DLG2: variants seen among roughly 807,000 people sequenced by gnomAD.
DLG2 encodes disks large homolog 2.
DLG2 carries 45 observed loss-of-function variants against 132.5 expected under a neutral mutation model. That is an observed-to-expected ratio of 0.34 (90% CI 0.27 to 0.44). The LOEUF is 0.44. Among genes scored for constraint, DLG2 ranks in the 20% least tolerant of loss-of-function variants. The pLI, the probability that DLG2 is intolerant of heterozygous loss-of-function variation, is 1.00. For synonymous variants in DLG2, 424 were observed against 419.6 expected (o/e 1.01, Z -0.13); for missense variants, 1,045 against 1,196.9 (o/e 0.87, Z 1.87).
intron 8 of DLG2, among the ~76,000 whole-genome samples, chr11:84,172,234 G>T (rs1180895956): frequency 6.6e-6 from 1 of 152,076 alleles, no homozygotes; most frequent in South Asian, 2.1e-4. Context: ...TAATAAGACT[G>T]GTTTAAAATA....
intron 19 of DLG2, among the ~76,000 whole-genome samples, chr11:83,587,184 A>C (rs2097099993): frequency 6.6e-6 from 1 of 152,096 alleles, no homozygotes; most frequent in Non-Finnish European, 1.5e-5. Context: ...TCTGCTGCTT[A>C]TAGTTTTTTT....
intron 8 of DLG2, among the ~76,000 whole-genome samples, chr11:84,213,249 T>C (rs1275564071): frequency 6.6e-6 from 1 of 152,150 alleles, no homozygotes; most frequent in Non-Finnish European, 1.5e-5. Context: ...TTTGTAGTCA[T>C]CTCATTATAT....
At chr11:84,353,079 A>G (rs534684733) in intron 7 of DLG2, among the ~76,000 whole-genome samples, 3 of 152,140 alleles carry the variant, frequency 2.0e-5, no homozygotes, top group Non-Finnish European at 4.4e-5. Context: ...CTCTCCAGAT[A>G]TCATTGTGTC....
intron 6 of DLG2, among the ~76,000 whole-genome samples, chr11:84,636,196 A>ATG (rs1491144128): frequency 1.3e-5 from 2 of 152,172 alleles, no homozygotes; most frequent in East Asian, 3.9e-4. Context: ...GTATATGCAC[A>ATG]TGTGTGTGTG....
intron 8 of DLG2, among the ~76,000 whole-genome samples, chr11:84,207,785 A>G (rs1025528139): frequency 6.6e-6 from 1 of 152,210 alleles, no homozygotes; most frequent in African/African-American, 2.4e-5. Context: ...TATAAACAAC[A>G]TGATAAAAAT....
At chr11:85,421,919 A>C (rs2090345305) in intron 3 of DLG2, among the ~76,000 whole-genome samples, 1 of 152,104 alleles carries the variant, frequency 6.6e-6, no homozygotes, top group Non-Finnish European at 1.5e-5. Context: ...TTTCCGAAAA[A>C]GGCTGCATCT....
intron 3 of DLG2, among the ~76,000 whole-genome samples, chr11:85,421,369 A>T (rs1297400872): frequency 6.6e-6 from 1 of 151,534 alleles, no homozygotes; most frequent in Non-Finnish European, 1.5e-5. Context: ...TGGGAGCTAC[A>T]GACCGGAGCT....
intron 18 of DLG2, among the ~76,000 whole-genome samples, chr11:83,707,762 G>GGGAACC (rs2084392703): frequency 6.6e-6 from 1 of 152,184 alleles, no homozygotes; most frequent in South Asian, 2.1e-4. Context: ...CCCTCTCAGT[G>GGGAACC]CACTCACGGT....
chr11:84,423,213 T>C lies in DLG2; in HGVS notation c.519+111357A>G, dbSNP rs532273895. Among the ~76,000 whole-genome samples the C allele has an allele frequency of 6.0e-3, 907 of 152,286 alleles. 1 individual carries two copies. Among genetic ancestry groups the C allele is most frequent in the Non-Finnish European group, 9.6e-3 (651 of 67,984 alleles). ...TGTACAACATTGCAAATGTATTTAATGCCCATAATTCTTCACTTAAACATG... is the reference window on the plus strand; with the variant it reads ...TGTACAACATTGCAAATGTATTTAACGCCCATAATTCTTCACTTAAACATG... On this transcript the variant is annotated intron_variant, in intron 7 of 27. Transcript: ENST00000376104.
intron 18 of DLG2, among the ~76,000 whole-genome samples, chr11:83,654,018 C>A (rs558242190): frequency 8.5e-5 from 13 of 152,068 alleles, no homozygotes; most frequent in Non-Finnish European, 1.5e-4. Context: ...CCGCGCCTGG[C>A]CAAGAATTTT....
intron 7 of DLG2, among the ~76,000 whole-genome samples, chr11:84,351,771 G>T (rs1373771286): frequency 6.6e-6 from 1 of 152,158 alleles, no homozygotes; most frequent in Non-Finnish European, 1.5e-5. Context: ...AGACTTAAAA[G>T]GACCTTGCTT....
At chr11:84,885,703 A>T (rs989373400) in intron 6 of DLG2, among the ~76,000 whole-genome samples, 1 of 152,124 alleles carries the variant, frequency 6.6e-6, no homozygotes, top group Non-Finnish European at 1.5e-5. Context: ...CCTGGTGCAT[A>T]GTAGGTATTC....
intron 4 of DLG2, among the ~76,000 whole-genome samples, chr11:85,157,911 C>T (rs760544170): frequency 3.3e-5 from 5 of 152,050 alleles, no homozygotes; most frequent in Admixed American, 6.6e-5. Context: ...ATCCCCTCCC[C>T]GACCCATTAG....
intron 6 of DLG2, among the ~76,000 whole-genome samples, chr11:84,801,903 C>T (rs1346673635): frequency 1.3e-5 from 2 of 152,184 alleles, no homozygotes; most frequent in Non-Finnish European, 2.9e-5. Flanking sequence ...AAGAATTTCC[C>T]ACGTTCTTTG....
chr11:83,523,842 C>T (rs944894793), intron 21 of DLG2, among the ~76,000 whole-genome samples: 1 of 152,056 alleles, frequency 6.6e-6, no homozygotes, highest in Admixed American at 6.6e-5. Flanking sequence ...GGGCAGGGGG[C>T]GGGGTTTAGA....
chr11:85,133,129 G>C (rs1210380420), intron 5 of DLG2: 2 of 259,392 alleles, frequency 7.7e-6, no homozygotes, highest in Non-Finnish European at 1.6e-5. Flanking sequence ...CTATCGTTGC[G>C]ATGAGTGTAA....
At chr11:83,594,634 T>G (rs1388598657) in intron 19 of DLG2, among the ~76,000 whole-genome samples, 1 of 152,168 alleles carries the variant, frequency 6.6e-6, no homozygotes, top group Non-Finnish European at 1.5e-5. Context: ...AGAGAAGCCA[T>G]GTATAAAGGA....
At chr11:84,482,466 G>C (rs567299957) in intron 7 of DLG2, among the ~76,000 whole-genome samples, 1 of 152,298 alleles carries the variant, frequency 6.6e-6, no homozygotes, top group African/African-American at 2.4e-5. Context: ...TGAAAACATT[G>C]ATTATGTCAG....
At chr11:84,631,016 TCTCACACACACACA>T (rs1457729595) in intron 6 of DLG2, among the ~76,000 whole-genome samples, 24 of 122,554 alleles carry the variant, frequency 2.0e-4, no homozygotes, top group South Asian at 1.3e-3. Context: ...TCTCTCTCTC[TCTCACACACACACA>T]CACACACACA....
Sources: allele counts gnomAD v4.1 joint callset (sites outside exome capture counted in the v4.1 genomes callset), GRCh38; gene constraint gnomAD v4.1.1; transcripts MANE v1.5; gene names NCBI Gene and HGNC (gene_info 2026-07-23, HGNC 2026-07-21).